Variants in SLC2A9 observed in about 807,000 individuals in gnomAD.
The protein encoded by SLC2A9 is solute carrier family 2, facilitated glucose transporter member 9.
In SLC2A9, 39 loss-of-function variants were observed where a neutral mutation model predicts 50.6. The ratio of observed to expected loss-of-function variants is 0.77; its 90% CI spans 0.60 to 1.01. The LOEUF (loss-of-function observed/expected upper bound fraction) is 1.01. Ranked by LOEUF, SLC2A9 falls within the 50% of genes least tolerant of loss-of-function variation. The pLI, the probability that SLC2A9 is intolerant of heterozygous loss-of-function variation, is 0.00. For synonymous variants in SLC2A9, 324 were observed against 276.9 expected (o/e 1.17, Z -1.69); for missense variants, 686 against 677.6 (o/e 1.01, Z -0.14).
At chr4:9,876,568 G>A (rs552215657) in intron 10 of SLC2A9, among the ~76,000 whole-genome samples, 1 of 152,202 alleles carries the variant, frequency 6.6e-6, no homozygotes, top group East Asian at 1.9e-4. Flanking sequence ...TTCAGCCTGG[G>A]TGACAGAGCG....
intron 3 of SLC2A9, among the ~76,000 whole-genome samples, chr4:9,803,458 T>G (rs1394053860): frequency 1.3e-5 from 2 of 152,228 alleles, no homozygotes; most frequent in African/African-American, 4.8e-5. Context: ...ATTTTACAGA[T>G]GAGAAACTGA....
At chr4:9,988,576 GT>G (rs1757144594) in intron 3 of SLC2A9, among the ~76,000 whole-genome samples, 1 of 152,148 alleles carries the variant, frequency 6.6e-6, no homozygotes, top group Non-Finnish European at 1.5e-5. Context: ...TTTAATCATT[GT>G]TTCCATTTGT....
chr4:9,860,001 C>G (rs1001507097), intron 10 of SLC2A9, among the ~76,000 whole-genome samples: 1 of 152,220 alleles, frequency 6.6e-6, no homozygotes, highest in Admixed American at 6.5e-5. Context: ...TGAGCCCTGA[C>G]AGCTGCTCAG....
At chr4:9,959,533 A>T (rs976167888) in intron 5 of SLC2A9, among the ~76,000 whole-genome samples, 4 of 152,218 alleles carry the variant, frequency 2.6e-5, no homozygotes, top group Non-Finnish European at 4.4e-5. Context: ...GAATTATCAA[A>T]TAACAGGTAA....
chr4:9,984,556 G>T (rs536255013), intron 4 of SLC2A9, among the ~76,000 whole-genome samples: 52 of 152,296 alleles, frequency 3.4e-4, no homozygotes, highest in African/African-American at 1.2e-3. Context: ...GTAACTTGCA[G>T]CAGAACTGAG....
intron 5 of SLC2A9, among the ~76,000 whole-genome samples, chr4:9,943,336 AT>A (rs1314357730): frequency 1.3e-5 from 2 of 152,156 alleles, no homozygotes; most frequent in Non-Finnish European, 2.9e-5. Context: ...TCTAATAACA[AT>A]TTTTATTCAC....
intron 3 of SLC2A9, among the ~76,000 whole-genome samples, chr4:9,819,847 T>C (rs7663670): frequency 0.16 from 24,041 of 152,180 alleles, 2,555 homozygotes; most frequent in African/African-American, 0.3. Context: ...GGCAGGAGAA[T>C]CGCTTGAACC....
chr4:9,781,760 G>A (rs1469718352), intron 3 of SLC2A9: 5 of 396,334 alleles, frequency 1.3e-5, no homozygotes, highest in Non-Finnish European at 1.8e-5. Context: ...CCCGAGAACA[G>A]CCCTGGCTGT....
At position 9,980,709 on chromosome 4, in the gene SLC2A9, G is replaced by A. The variant is rs774029912; in HGVS notation, c.564C>T (p.Tyr188=). Residue 188 remains tyrosine, a synonymous_variant, in exon 5 of 12, where the codon TAC becomes TAT. Coordinates refer to ENST00000264784, the MANE Select transcript of SLC2A9 (RefSeq NM_020041.3). ...TCTCCTTGGGTGAGATCTCACTAAG[G>A]TACATGGGGAGCACACTGAGGGCGA... ...GGVALSVLPM[Y]LSEISPKEIR... 6 of 1,614,064 alleles carry A rather than the reference G, an allele frequency of 3.7e-6. No homozygotes were observed. In the East Asian group the frequency reaches 6.7e-5, roughly 18 times the overall value.
intron 10 of SLC2A9, chr4:9,879,012 G>T (rs1734752587): frequency 4.1e-6 from 4 of 982,448 alleles, no homozygotes; most frequent in Non-Finnish European, 4.8e-6. Context: ...AGTATGTTTT[G>T]AATGAATTCA....
chr4:9,783,097 C>G (rs747104610), intron 3 of SLC2A9: 2 of 1,614,112 alleles, frequency 1.2e-6, no homozygotes, highest in African/African-American at 1.3e-5. Flanking sequence ...CACTCAACCC[C>G]GTCATCTATG....
At chr4:9,917,344 TTTTTTTG>T (rs1328866611) in intron 7 of SLC2A9, among the ~76,000 whole-genome samples, 1 of 137,538 alleles carries the variant, frequency 7.3e-6, no homozygotes. Flanking sequence ...TTTTTTTTTT[TTTTTTTG>T]TGATGGAGTC....
At chr4:9,919,271 C>T (rs1470126539) in intron 7 of SLC2A9, among the ~76,000 whole-genome samples, 1 of 152,108 alleles carries the variant, frequency 6.6e-6, no homozygotes, top group Non-Finnish European at 1.5e-5. Context: ...AGCCACTGAC[C>T]CAGGCGCCTG....
intron 7 of SLC2A9, among the ~76,000 whole-genome samples, chr4:9,917,606 C>T (rs539793448): frequency 7.9e-5 from 12 of 152,294 alleles, no homozygotes; most frequent in African/African-American, 2.9e-4. Flanking sequence ...GCTGGGATTA[C>T]AGGCACAAGA....
At chr4:9,849,847 G>T (rs140983014) in intron 10 of SLC2A9, among the ~76,000 whole-genome samples, 1 of 152,110 alleles carries the variant, frequency 6.6e-6, no homozygotes, top group East Asian at 1.9e-4. Context: ...CAATAGAGAC[G>T]GAGGTCAGCA....
chr4:9,949,534 T>C (rs992160259), intron 5 of SLC2A9, among the ~76,000 whole-genome samples: 1 of 152,238 alleles, frequency 6.6e-6, no homozygotes, highest in Admixed American at 6.5e-5. Context: ...AGGTAACTCA[T>C]GCCAAGGCAC....
intron 6 of SLC2A9, among the ~76,000 whole-genome samples, chr4:9,936,163 T>C (rs1306030209): frequency 6.6e-6 from 1 of 152,140 alleles, no homozygotes; most frequent in Admixed American, 6.6e-5. Context: ...ACTGATGGTA[T>C]CAGGAGGTGG....
At chr4:9,817,399 C>T (rs1297197597) in intron 3 of SLC2A9, among the ~76,000 whole-genome samples, 1 of 152,212 alleles carries the variant, frequency 6.6e-6, no homozygotes, top group Non-Finnish European at 1.5e-5. Context: ...ACTATGTTGG[C>T]TGAATACAGT....
At chr4:9,994,794 A>G (rs971043674) in intron 3 of SLC2A9, among the ~76,000 whole-genome samples, 3 of 151,982 alleles carry the variant, frequency 2.0e-5, no homozygotes, top group Non-Finnish European at 4.4e-5. Context: ...CTTGAGGAGC[A>G]GCCTTGGGGT....
Sources: allele counts gnomAD v4.1 joint callset (sites outside exome capture counted in the v4.1 genomes callset), GRCh38; gene constraint gnomAD v4.1.1; transcripts MANE v1.5; gene names NCBI Gene and HGNC (gene_info 2026-07-23, HGNC 2026-07-21).